The following UGP2 variants were observed in gnomAD, a reference collection of about 807,000 sequenced individuals.
UGP2 encodes the protein UTP--glucose-1-phosphate uridylyltransferase.
Under a neutral mutation model 49.0 loss-of-function variants are expected in UGP2, and 40 were observed. The ratio of observed to expected loss-of-function variants is 0.82; its 90% CI spans 0.63 to 1.06. The LOEUF (loss-of-function observed/expected upper bound fraction) is 1.06, where lower values mean the gene tolerates loss of function less well. Among genes scored for constraint, UGP2 ranks in the 50% least tolerant of loss-of-function variants. The pLI, the probability that UGP2 is intolerant of heterozygous loss-of-function variation, is 0.00. For synonymous variants in UGP2, 225 were observed against 213.0 expected (o/e 1.06, Z -0.49); for missense variants, 460 against 603.5 (o/e 0.76, Z 2.49).
rs565085150 is a variant in UGP2 at position 63,846,957 on chromosome 2, A to G, written c.19+4753A>G. 2.0e-5 allele frequency among the ~76,000 whole-genome samples: 3 copies of G among 152,346 alleles called. No homozygotes were observed. In the East Asian group the frequency reaches 5.8e-4, roughly 29 times the overall value. ...TCAGTCACAGTTATAAATGTAAAAAAAAATTCTAAAGAAATTTAAAATGAA... is the reference window on the plus strand; with the variant it reads ...TCAGTCACAGTTATAAATGTAAAAAGAAATTCTAAAGAAATTTAAAATGAA... On this transcript the variant is annotated intron_variant, in intron 1 of 9. Transcript: ENST00000337130.
intron 3 of UGP2, among the ~76,000 whole-genome samples, chr2:63,875,888 A>T (rs1057048314): frequency 1.3e-5 from 2 of 152,208 alleles, no homozygotes; most frequent in African/African-American, 4.8e-5. Context: ...AATTGAAAGC[A>T]CAAAGATCGC....
At chr2:63,857,266 A>G (rs1192179963) in intron 2 of UGP2, among the ~76,000 whole-genome samples, 1 of 150,992 alleles carries the variant, frequency 6.6e-6, no homozygotes, top group Non-Finnish European at 1.5e-5. Flanking sequence ...GCGCCACTAC[A>G]CTCTAGCCTG....
At chr2:63,851,129 A>G (rs1669016513) in intron 1 of UGP2, among the ~76,000 whole-genome samples, 1 of 152,158 alleles carries the variant, frequency 6.6e-6, no homozygotes, top group African/African-American at 2.4e-5. Flanking sequence ...TAGGAGGATA[A>G]TCTCAGGTAA....
chr2:63,851,013 A>G (rs1298699575), intron 1 of UGP2, among the ~76,000 whole-genome samples: 1 of 152,222 alleles, frequency 6.6e-6, no homozygotes. Flanking sequence ...AGTCTGTTGG[A>G]TAAGATAAAC....
chr2:63,841,218 T>C (rs960280921), upstream of UGP2: 2 of 151,762 alleles, frequency 1.3e-5, no homozygotes, highest in African/African-American at 4.8e-5. Flanking sequence ...TCCCAGCTGC[T>C]AAAGGAAGAG....
intron 3 of UGP2, among the ~76,000 whole-genome samples, chr2:63,873,530 C>A (rs898054796): frequency 2.0e-5 from 3 of 151,920 alleles, no homozygotes; most frequent in African/African-American, 7.3e-5. Context: ...ATTTTTTTAT[C>A]TTCGCAAGTA....
chr2:63,872,358 T>TG (rs2104324276), intron 3 of UGP2, among the ~76,000 whole-genome samples: 1 of 152,352 alleles, frequency 6.6e-6, no homozygotes, highest in Admixed American at 6.5e-5. Context: ...GTTAAAATGT[T>TG]GGGTACGGGT....
At chr2:63,890,674 AT>A (rs1672065186) in intron 9 of UGP2, among the ~76,000 whole-genome samples, 1 of 152,228 alleles carries the variant, frequency 6.6e-6, no homozygotes, top group Admixed American at 6.5e-5. Flanking sequence ...ACAAATACAT[AT>A]ATTGAATTTT....
chr2:63,871,730 G>A (rs934947048), intron 3 of UGP2, among the ~76,000 whole-genome samples: 5 of 152,202 alleles, frequency 3.3e-5, no homozygotes, highest in African/African-American at 9.7e-5. Context: ...ATATGGCAGC[G>A]TTCTTGCCAG....
At chr2:63,874,692 G>A (rs530187967) in intron 3 of UGP2, among the ~76,000 whole-genome samples, 4 of 152,020 alleles carry the variant, frequency 2.6e-5, no homozygotes, top group Non-Finnish European at 4.4e-5. Flanking sequence ...TCATGGGAAC[G>A]GATCCCTCAT....
At chr2:63,865,786 A>G (rs1670148074) in intron 3 of UGP2, among the ~76,000 whole-genome samples, 1 of 151,936 alleles carries the variant, frequency 6.6e-6, no homozygotes, top group Admixed American at 6.6e-5. Context: ...TCTCCTACCT[A>G]GGTCTCCCAA....
At chr2:63,882,394 C>A in intron 3 of UGP2, 72 bp from the exon 4 acceptor site, 1 of 1,302,960 alleles carries the variant, frequency 7.7e-7, no homozygotes, top group Non-Finnish European at 1.0e-6. Context: ...ATGGAAATAA[C>A]CCTGGGATTG....
chr2:63,855,394 CA>C, intron 1 of UGP2: 1 of 482,392 alleles, frequency 2.1e-6, no homozygotes, highest in Admixed American at 2.2e-5. Flanking sequence ...GAAGGGTGGA[CA>C]AATAATCCAG....
At chr2:63,861,695 A>C (rs1357314232) in intron 3 of UGP2, among the ~76,000 whole-genome samples, 2 of 151,316 alleles carry the variant, frequency 1.3e-5, no homozygotes, top group South Asian at 2.1e-4. Flanking sequence ...CTCAAAAAAA[A>C]AAAAAAAACA....
At chr2:63,860,281 T>C (rs1669747138) in intron 3 of UGP2, among the ~76,000 whole-genome samples, 1 of 152,230 alleles carries the variant, frequency 6.6e-6, no homozygotes, top group South Asian at 2.1e-4. Context: ...TATATTTTTG[T>C]GTATGAGTTG....
In UGP2 at chr2:63,890,996, A is replaced by ATTGT; in HGVS notation, c.1420-121_1420-118dup. On this transcript the variant is annotated intron_variant, in intron 9 of 9. Transcript: ENST00000337130. ...CTGTTATTTGTTTTTCATGTTTAATATTGTTTATAAAAAAAGTTACTTCAC... is the reference window on the plus strand; with the variant it reads ...CTGTTATTTGTTTTTCATGTTTAATATTGTTTGTTTATAAAAAAAGTTACTTCAC... The ATTGT allele has an allele frequency of 1.1e-5, 7 of 621,050 alleles. No homozygotes were observed. The South Asian group carries it at 1.2e-4, about 11-fold the overall frequency. 38.5% of individuals were successfully genotyped at this position (621,050 alleles called of 1,614,324 possible).
At chr2:63,842,339 GTCA>G (rs1671614983) in intron 1 of UGP2, 135 bp downstream of exon 1, 19 of 1,603,512 alleles carry the variant, frequency 1.2e-5, no homozygotes, top group Non-Finnish European at 1.5e-5. Flanking sequence ...TCGTTGAATT[GTCA>G]TCTGAGCTGC....
At chr2:63,859,764 GTCTT>G (rs1669707008) in intron 3 of UGP2, among the ~76,000 whole-genome samples, 1 of 152,196 alleles carries the variant, frequency 6.6e-6, no homozygotes, top group African/African-American at 2.4e-5. Flanking sequence ...CATTAAAAGT[GTCTT>G]TATTTTGAAG....
chr2:63,889,556 T>C (rs944256550), intron 8 of UGP2: 2 of 152,450 alleles, frequency 1.3e-5, no homozygotes, highest in African/African-American at 4.8e-5. Flanking sequence ...ATTGCTCCCA[T>C]TTTCCCAGCA....
Sources: gnomAD v4.1 joint callset for allele counts (sites outside exome capture counted in the v4.1 genomes callset) on GRCh38, gnomAD v4.1.1 for gene constraint, MANE v1.5 for transcripts, NCBI Gene and HGNC (gene_info 2026-07-23, HGNC 2026-07-21) for gene names.